PCLO: variants seen among roughly 807,000 people sequenced by gnomAD.
PCLO encodes the protein piccolo presynaptic cytomatrix protein.
In PCLO, 82 loss-of-function variants were observed where a neutral mutation model predicts 427.5. That is an observed-to-expected ratio of 0.19 (90% confidence interval 0.16 to 0.23). PCLO has a LOEUF of 0.23. Ranked by LOEUF, PCLO falls within the 10% of genes least tolerant of loss-of-function variation. The pLI is 1.00. For missense variants in PCLO, 6,239 were observed against 6,115.9 expected (o/e 1.02, Z -0.67); for synonymous variants, 2,357 against 2,155.4 (o/e 1.09, Z -2.59).
At chr7:83,020,300 C>T (rs1223046136) in intron 3 of PCLO, among the ~76,000 whole-genome samples, 2 of 152,070 alleles carry the variant, frequency 1.3e-5, no homozygotes, top group African/African-American at 4.8e-5. Flanking sequence ...AATTTGCTGA[C>T]ACTTGATGAA....
chr7:82,920,052 T>C (rs1794561107), intron 6 of PCLO, among the ~76,000 whole-genome samples: 3 of 151,824 alleles, frequency 2.0e-5, no homozygotes, highest in Non-Finnish European at 4.4e-5. Flanking sequence ...AGTAATGTCT[T>C]ACCAACTTAT....
chr7:83,095,039 G>A (rs755960427), intron 3 of PCLO, among the ~76,000 whole-genome samples: 2 of 152,072 alleles, frequency 1.3e-5, no homozygotes, highest in Non-Finnish European at 2.9e-5. Flanking sequence ...ATATAGGATT[G>A]GGGTTAATGC....
chr7:83,008,579 AC>A (rs1788003644), intron 3 of PCLO, among the ~76,000 whole-genome samples: 3 of 63,976 alleles, frequency 4.7e-5, no homozygotes, highest in South Asian at 1.1e-3. Context: ...CGGTCTTTCC[AC>A]CAATTCAATA....
chr7:82,955,654 A>G lies in PCLO; in HGVS notation c.5299T>C (p.Leu1767=). The part of the protein sequence containing the change: ...KARHRPHGPL[L]PTIEDSSEEE... The stretch of plus-strand genomic sequence containing the variant: ...TCTGAAGAATCTTCAATAGTAGGCA[A>G]AAGAGGGCCATGTGGTCTGTGCCGA... Residue 1767 remains leucine (L), a synonymous_variant, in exon 5 of 25, where the codon TTG becomes CTG. Coordinates refer to ENST00000333891, the MANE Select transcript of PCLO (RefSeq NM_033026.6). 1.2e-6 allele frequency: 2 copies of G among 1,613,916 alleles called. No homozygotes were observed. The highest frequency in any genetic ancestry group is 1.7e-6 in the Non-Finnish European group (2 of 1,179,878).
At chr7:82,800,727 C>G (rs1339236501) in intron 22 of PCLO, among the ~76,000 whole-genome samples, 1 of 152,046 alleles carries the variant, frequency 6.6e-6, no homozygotes, top group Non-Finnish European at 1.5e-5. Flanking sequence ...TCCTGAGTAG[C>G]TGGGATTACA....
chr7:82,849,590 A>G (rs1038576774), intron 10 of PCLO, among the ~76,000 whole-genome samples: 5 of 152,198 alleles, frequency 3.3e-5, no homozygotes, highest in African/African-American at 4.8e-5. Flanking sequence ...AATGATATAC[A>G]GGTATAACAA....
At chr7:82,886,127 G>C (rs144740017) in intron 9 of PCLO, among the ~76,000 whole-genome samples, 4 of 152,300 alleles carry the variant, frequency 2.6e-5, no homozygotes, top group African/African-American at 9.6e-5. Flanking sequence ...TCAAGACCAA[G>C]GAGAGAAAAT....
intron 22 of PCLO, among the ~76,000 whole-genome samples, chr7:82,763,648 T>C (rs1790474893): frequency 6.6e-6 from 1 of 152,060 alleles, no homozygotes; most frequent in Admixed American, 6.6e-5. Context: ...CCCTTACATG[T>C]GGAAAAATAT....
intron 10 of PCLO, among the ~76,000 whole-genome samples, chr7:82,870,024 G>T (rs1048726725): frequency 6.6e-6 from 1 of 151,806 alleles, no homozygotes; most frequent in African/African-American, 2.4e-5. Context: ...AAAATGATCT[G>T]CAGATTCAAT....
chr7:83,070,679 A>G (rs1304235586), intron 3 of PCLO, among the ~76,000 whole-genome samples: 1 of 152,082 alleles, frequency 6.6e-6, no homozygotes, highest in African/African-American at 2.4e-5. Flanking sequence ...GAGCCACTGC[A>G]CCCAGCATTT....
intron 3 of PCLO, among the ~76,000 whole-genome samples, chr7:83,113,971 A>G (rs1791068479): frequency 6.6e-6 from 1 of 152,126 alleles, no homozygotes; most frequent in Non-Finnish European, 1.5e-5. Context: ...TCTATACCTT[A>G]AAAGAAATAT....
At chr7:82,898,316 C>T (rs1793956702) in intron 9 of PCLO, among the ~76,000 whole-genome samples, 1 of 151,322 alleles carries the variant, frequency 6.6e-6, no homozygotes, top group African/African-American at 2.4e-5. Flanking sequence ...CATGAGGGTC[C>T]CATTGACATT....
At chr7:83,033,416 G>T (rs558172525) in intron 3 of PCLO, among the ~76,000 whole-genome samples, 1 of 152,094 alleles carries the variant, frequency 6.6e-6, no homozygotes, top group East Asian at 1.9e-4. Flanking sequence ...TCTGTTATTT[G>T]TATGGCATGT....
At chr7:82,846,874 T>A (rs1245168418) in intron 11 of PCLO, among the ~76,000 whole-genome samples, 2 of 152,188 alleles carry the variant, frequency 1.3e-5, no homozygotes, top group Non-Finnish European at 2.9e-5. Flanking sequence ...AAGTTCATTT[T>A]TAAATACATA....
Position 83,088,559 on chromosome 7 carries a change from G to A in PCLO, c.3300+45691C>T, listed in dbSNP as rs369279141. Reference sequence around the variant, plus strand: ...AGGTAGCCGACTGGTACACAGAAGGGCTGGTGGGTTGACTCCACTAGTATA... The same window carrying A: ...AGGTAGCCGACTGGTACACAGAAGGACTGGTGGGTTGACTCCACTAGTATA... On this transcript the variant is annotated intron_variant, in intron 3 of 24. Coordinates refer to ENST00000333891, the MANE Select transcript of PCLO (RefSeq NM_033026.6). 4.6e-5 allele frequency among the ~76,000 whole-genome samples: 7 copies of A among 152,200 alleles called. 1 individual carries two copies. Among genetic ancestry groups the A allele is most frequent in the African/African-American group, 1.7e-4 (7 of 41,540 alleles).
intron 20 of PCLO, among the ~76,000 whole-genome samples, chr7:82,812,409 T>A (rs911317638): frequency 4.6e-5 from 7 of 151,602 alleles, no homozygotes; most frequent in African/African-American, 1.4e-4. Context: ...AAGGAAATCA[T>A]AATGTTGCCT....
In PCLO at chr7:82,955,934, G is replaced by A. The variant is rs899013381; in HGVS notation, c.5019C>T (p.Asn1673=). 7 of 1,613,798 alleles carry A rather than the reference G, an allele frequency of 4.3e-6. No homozygotes were observed. In the Admixed American group the frequency reaches 1.2e-4, roughly 27 times the overall value. Residue 1673 remains asparagine, a synonymous_variant, in exon 5 of 25, where the codon AAC becomes AAT. Transcript: ENST00000333891. The part of the protein sequence containing the change: ...GLRRFKTIEL[N]STIADKYSAE... ...CAGAATATTTATCTGCTATTGTACT[G>A]TTGAGCTCAATTGTTTTAAATCGGC...
At chr7:83,135,948 A>C (rs1032429973) in intron 2 of PCLO, among the ~76,000 whole-genome samples, 1 of 151,938 alleles carries the variant, frequency 6.6e-6, no homozygotes, top group Admixed American at 6.6e-5. Context: ...AAATACAAAA[A>C]TTAGCTGGGC....
intron 3 of PCLO, among the ~76,000 whole-genome samples, chr7:82,984,361 T>G (rs1479691151): frequency 6.6e-6 from 1 of 151,746 alleles, no homozygotes; most frequent in Non-Finnish European, 1.5e-5. Context: ...TCTCTTATGG[T>G]ATTGTCAAAA....
Sources: gnomAD v4.1 joint callset for allele counts (sites outside exome capture counted in the v4.1 genomes callset) on GRCh38, gnomAD v4.1.1 for gene constraint, MANE v1.5 for transcripts, NCBI Gene and HGNC (gene_info 2026-07-23, HGNC 2026-07-21) for gene names.